The following ZFHX3 variants were observed in gnomAD, a reference collection of about 807,000 sequenced individuals.
ZFHX3 encodes zinc finger homeobox 3, also known as zinc finger homeobox protein 3.
A neutral mutation model predicts 279.1 loss-of-function variants in ZFHX3; 42 were observed. That is an observed-to-expected ratio of 0.15 (90% CI 0.12 to 0.19). ZFHX3 has a LOEUF of 0.19. Ranked by LOEUF, ZFHX3 falls within the 10% of genes least tolerant of loss-of-function variation. The pLI, the probability that ZFHX3 is intolerant of heterozygous loss-of-function variation, is 1.00. For synonymous variants in ZFHX3, 2,293 were observed against 1,957.8 expected (o/e 1.17, Z -4.52); for missense variants, 4,981 against 4,754.0 (o/e 1.05, Z -1.40).
In ZFHX3 at chr16:73,763,204, C is replaced by A. The variant is rs538341404; in HGVS notation, c.-1607-82964G>T. Among the ~76,000 whole-genome samples the A allele has an allele frequency of 1.8e-3, 271 of 152,200 alleles. 1 individual carries two copies. The highest frequency in any genetic ancestry group is 3.1e-3 in the Non-Finnish European group (214 of 68,016). The stretch of plus-strand genomic sequence containing the variant: ...TTTCCTAATTACAAAAAAAAATTAT[C>A]CCTCTTGGCAACTGACCTATCATGT... On this transcript the variant is annotated intron_variant, in intron 1 of 17. Transcript: ENST00000641206.
chr16:73,801,502 A>G (rs1960145741), intron 1 of ZFHX3, among the ~76,000 whole-genome samples: 2 of 152,342 alleles, frequency 1.3e-5, no homozygotes, highest in South Asian at 2.1e-4. Context: ...ATAAACCAGG[A>G]AAGAATGGAC....
intron 2 of ZFHX3, among the ~76,000 whole-genome samples, chr16:72,956,641 A>T (rs1961263207): frequency 6.6e-6 from 1 of 152,218 alleles, no homozygotes; most frequent in African/African-American, 2.4e-5. Flanking sequence ...AGCAGAGGTC[A>T]TTCTTCCTGG....
intron 1 of ZFHX3, among the ~76,000 whole-genome samples, chr16:73,013,184 G>A (rs1963974050): frequency 6.6e-6 from 1 of 152,228 alleles, no homozygotes; most frequent in Non-Finnish European, 1.5e-5. Context: ...TGCCCTTCAA[G>A]TGACCTCTAA....
chr16:73,769,441 T>C (rs1422415841), intron 1 of ZFHX3, among the ~76,000 whole-genome samples: 5 of 152,194 alleles, frequency 3.3e-5, no homozygotes, highest in African/African-American at 1.2e-4. Flanking sequence ...TAATGTACAG[T>C]ATATTACACA....
At chr16:73,508,298 A>G (rs1296000315) in intron 2 of ZFHX3, among the ~76,000 whole-genome samples, 1 of 152,238 alleles carries the variant, frequency 6.6e-6, no homozygotes, top group Non-Finnish European at 1.5e-5. Context: ...AGTTAGATCC[A>G]GTATTGACTG....
intron 7 of ZFHX3, among the ~76,000 whole-genome samples, chr16:73,127,838 C>T (rs898649806): frequency 2.6e-5 from 4 of 152,118 alleles, no homozygotes; most frequent in African/African-American, 7.2e-5. Flanking sequence ...AACTTTTATG[C>T]CCTCGGAAGG....
intron 3 of ZFHX3, among the ~76,000 whole-genome samples, chr16:73,348,777 A>T (rs968938258): frequency 2.6e-5 from 4 of 152,170 alleles, no homozygotes; most frequent in African/African-American, 9.7e-5. Flanking sequence ...TTCCTTGTGG[A>T]TGACCAACCC....
In ZFHX3 at chr16:73,585,350, A is replaced by G. The variant is rs192930251; in HGVS notation, c.-1547+94830T>C. On this transcript the variant is annotated intron_variant, in intron 2 of 17. Coordinates refer to the ZFHX3 transcript ENST00000641206. Reference sequence around the variant, plus strand: ...ATAATCACTTGAACCCTGGAGGCGGAGGTTGCAGTGAGCTGAGATGGTGCC... The same window carrying G: ...ATAATCACTTGAACCCTGGAGGCGGGGGTTGCAGTGAGCTGAGATGGTGCC... 4.8e-3 allele frequency among the ~76,000 whole-genome samples: 727 copies of G among 152,340 alleles called. 6 individuals carry two copies. Among genetic ancestry groups the G allele is most frequent in the African/African-American group, 0.015 (636 of 41,578 alleles).
intron 2 of ZFHX3, among the ~76,000 whole-genome samples, chr16:73,581,392 A>G (rs2051859037): frequency 6.6e-6 from 1 of 151,810 alleles, no homozygotes; most frequent in African/African-American, 2.4e-5. Flanking sequence ...ACTTTCATAT[A>G]CTGTTTGTAT....
intron 1 of ZFHX3, among the ~76,000 whole-genome samples, chr16:73,025,120 G>A (rs1193262410): frequency 1.3e-5 from 2 of 152,206 alleles, no homozygotes; most frequent in East Asian, 3.9e-4. Context: ...CGAAGGGAGG[G>A]TCATTTAGCA....
In ZFHX3 at chr16:73,243,913, A is replaced by G. The variant is rs982816069; in HGVS notation, c.-1104+13134T>C. The stretch of plus-strand genomic sequence containing the variant: ...CTGGAGAAGCTGTCACTGAAGTGAC[A>G]TCATGGAGGTTCAGAGATGGTAGAG... On this transcript the variant is annotated intron_variant, in intron 5 of 17. Transcript: ENST00000641206. Among the ~76,000 whole-genome samples the G allele has an allele frequency of 6.6e-5, 10 of 152,360 alleles. No homozygotes were observed. The South Asian group carries it at 1.7e-3, about 25-fold the overall frequency.
chr16:73,080,623 G>A (rs1646827481), intron 8 of ZFHX3, among the ~76,000 whole-genome samples: 1 of 151,970 alleles, frequency 6.6e-6, no homozygotes, highest in African/African-American at 2.4e-5. Context: ...GCCTAGGCTG[G>A]AGTACAGTAG....
chr16:73,444,493 T>C (rs975694935), intron 3 of ZFHX3, among the ~76,000 whole-genome samples: 1 of 152,250 alleles, frequency 6.6e-6, no homozygotes, highest in Admixed American at 6.5e-5. Flanking sequence ...CAAGGTCAGA[T>C]AGTTCACACA....
In ZFHX3 at chr16:72,798,672, C is replaced by G; in HGVS notation, c.4010G>C (p.Ser1337Thr). 1 of 1,585,694 alleles carries G rather than the reference C, an allele frequency of 6.3e-7. No homozygotes were observed. Residue 1337 changes from serine to threonine, a missense_variant, in exon 9 of 10, where the codon AGC becomes ACC. This residue lies in a region of ZFHX3 where 1,751 missense variants were observed against 1,770.0 expected (regional missense o/e 0.99). Coordinates refer to ENST00000268489, the MANE Select transcript of ZFHX3 (RefSeq NM_006885.4). ...DLGKNILPSASTEQSGDLKPS... is the reference protein window; with the variant it reads ...DLGKNILPSATTEQSGDLKPS... The stretch of plus-strand genomic sequence containing the variant: ...TTTCAAATCTCCGCTTTGCTCTGTG[C>G]TTGCGGATGGCAAGATGTTCTTTCC...
At chr16:72,894,960 G>A (rs2038862064) in intron 3 of ZFHX3, among the ~76,000 whole-genome samples, 1 of 152,194 alleles carries the variant, frequency 6.6e-6, no homozygotes, top group South Asian at 2.1e-4. Context: ...TGTTGGGTCA[G>A]GAGTGTAATT....
intron 2 of ZFHX3, among the ~76,000 whole-genome samples, chr16:73,592,954 T>A (rs2052014652): frequency 6.6e-6 from 1 of 152,070 alleles, no homozygotes; most frequent in Non-Finnish European, 1.5e-5. Context: ...GACTTACAGA[T>A]GTGCAGATGT....
chr16:73,498,560 C>T (rs890997253), intron 2 of ZFHX3, among the ~76,000 whole-genome samples: 4 of 152,228 alleles, frequency 2.6e-5, no homozygotes, highest in Admixed American at 1.3e-4. Flanking sequence ...ATAGCAACAG[C>T]ATCTTTTTAA....
At chr16:73,558,135 TC>T (rs1273475305) in intron 2 of ZFHX3, 3 of 152,202 alleles carry the variant, frequency 2.0e-5, no homozygotes, top group African/African-American at 7.2e-5. Flanking sequence ...GAGAATGGCT[TC>T]CCAACAGGCC....
Position 73,215,683 on chromosome 16 carries a change from CG to C in ZFHX3, c.-1104+41363del, listed in dbSNP as rs376448133. On this transcript the variant is annotated intron_variant, in intron 5 of 17. Transcript: ENST00000641206. ...CTCCACCCCTAGCTTGTCCTCCCCC[CG>C]ATGCTGAATGAATCACTGTTCACAA... is the stretch of plus-strand genomic sequence containing the variant. Among the ~76,000 whole-genome samples the C allele has an allele frequency of 9.8e-4, 149 of 152,268 alleles. 1 individual carries two copies. The highest frequency in any genetic ancestry group is 3.4e-3 in the African/African-American group (140 of 41,544).
Sources: gnomAD v4.1 joint callset for allele counts (sites outside exome capture counted in the v4.1 genomes callset) on GRCh38, gnomAD v4.1.1 for gene constraint, gnomAD v4.1.1 regional missense constraint, MANE v1.5 for transcripts, NCBI Gene and HGNC (gene_info 2026-07-23, HGNC 2026-07-21) for gene names.